OPHN1: variants seen among roughly 807,000 people sequenced by gnomAD.
OPHN1 encodes oligophrenin-1.
Under a neutral mutation model 60.7 loss-of-function variants are expected in OPHN1, and 11 were observed. The ratio of observed to expected loss-of-function variants is 0.18; its 90% CI spans 0.11 to 0.30. The LOEUF is 0.30. OPHN1 is among the 10% of genes least tolerant of loss of function. The pLI, the probability that OPHN1 is intolerant of heterozygous loss-of-function variation, is 1.00. For missense variants in OPHN1, 449 were observed against 611.0 expected (o/e 0.73, Z 2.80); for synonymous variants, 226 against 222.6 (o/e 1.02, Z -0.14).
chrX:68,292,594 T>A (rs956472619), intron 3 of OPHN1, among the ~76,000 whole-genome samples: 2 of 111,544 alleles, frequency 1.8e-5, no homozygotes, highest in Non-Finnish European at 3.8e-5. Flanking sequence ...GATGCTTCCC[T>A]GAAAGCATTT....
intron 2 of OPHN1, among the ~76,000 whole-genome samples, chrX:68,415,139 ACT>A (rs2078787815): frequency 9.0e-6 from 1 of 110,612 alleles, no homozygotes; most frequent in African/African-American, 3.3e-5. Flanking sequence ...ACCTCTCAAG[ACT>A]CTTTCTAATA....
At chrX:68,268,310 T>A (rs927418356) in intron 5 of OPHN1, among the ~76,000 whole-genome samples, 24 of 111,529 alleles carry the variant, frequency 2.2e-4, no homozygotes, top group African/African-American at 7.5e-4. Context: ...TAGACCAATA[T>A]CCCTGATGAA....
chrX:68,165,040 G>C (rs372693170), intron 15 of OPHN1, among the ~76,000 whole-genome samples: 2 of 111,780 alleles, frequency 1.8e-5, no homozygotes, highest in East Asian at 5.6e-4. Flanking sequence ...AAGAATTGAA[G>C]AGTTAGAGTA....
intron 19 of OPHN1, among the ~76,000 whole-genome samples, chrX:68,087,677 C>CA (rs1446268260): frequency 9.0e-6 from 1 of 111,645 alleles, no homozygotes; most frequent in Admixed American, 9.5e-5. Flanking sequence ...TCAGATTGTA[C>CA]AAAAAAACAT....
intron 2 of OPHN1, among the ~76,000 whole-genome samples, chrX:68,403,132 T>C (rs903608261): frequency 3.6e-5 from 4 of 112,261 alleles, no homozygotes; most frequent in African/African-American, 1.3e-4. Context: ...GATACAGTCC[T>C]AGCCGCCAAA....
At chrX:68,361,054 CA>C in intron 2 of OPHN1, 1 of 112,947 alleles carries the variant, frequency 8.9e-6, no homozygotes, top group Non-Finnish European at 1.9e-5. Flanking sequence ...GGGCAAACAC[CA>C]AAAAAAGTTT....
intron 15 of OPHN1, among the ~76,000 whole-genome samples, chrX:68,126,125 G>A (rs1329078522): frequency 9.4e-5 from 10 of 106,525 alleles, no homozygotes; most frequent in South Asian, 4.4e-4. Context: ...CCAATAAAAC[G>A]AAGGACAAAA....
At chrX:68,188,677 G>A (rs2077474111) in intron 15 of OPHN1, among the ~76,000 whole-genome samples, 1 of 111,808 alleles carries the variant, frequency 8.9e-6, no homozygotes, top group African/African-American at 3.2e-5. Flanking sequence ...GAAGTGGAGT[G>A]TGGTATATTT....
rs1031156327 is a variant in OPHN1, at chrX:68,153,230, AAAAG to A, written c.1277-33902_1277-33899del. Among the ~76,000 whole-genome samples the A allele has an allele frequency of 3.2e-3, 352 of 110,202 alleles. 7 individuals are homozygous for A. Among genetic ancestry groups the A allele is most frequent in the African/African-American group, 0.011 (340 of 30,370 alleles). ...CATGTCAAAAAAAAAAAAAAAAGAAAAAAGAAAGAAAGAAAGCAAATGGGCAAAT... is the reference window on the plus strand; with the variant it reads ...CATGTCAAAAAAAAAAAAAAAAGAAAAAAGAAAGAAAGCAAATGGGCAAAT... On this transcript the variant is annotated intron_variant, in intron 15 of 24. Coordinates refer to ENST00000355520, the MANE Select transcript of OPHN1 (RefSeq NM_002547.3).
At position 68,133,622 on chromosome X, in the gene OPHN1, A is replaced by G. The variant is rs1167228966; in HGVS notation, c.1277-14290T>C. Among the ~76,000 whole-genome samples the G allele has an allele frequency of 4.5e-5, 5 of 111,524 alleles. No homozygotes were observed. The East Asian group carries it at 1.4e-3, about 31-fold the overall frequency. On this transcript the variant is annotated intron_variant, in intron 15 of 24. Coordinates refer to ENST00000355520, the MANE Select transcript of OPHN1 (RefSeq NM_002547.3). Reference sequence around the variant, plus strand: ...TTAAAACTTTTTGGTTGCCACAAGCATATCTCCCTTTTTCTGCTCATCCAG... The same window carrying G: ...TTAAAACTTTTTGGTTGCCACAAGCGTATCTCCCTTTTTCTGCTCATCCAG...
chrX:68,328,361 C>T (rs2078278108), intron 2 of OPHN1, among the ~76,000 whole-genome samples: 1 of 111,279 alleles, frequency 9.0e-6, no homozygotes, highest in African/African-American at 3.3e-5. Context: ...ATCTCCTGAC[C>T]TCGTGATCCG....
At chrX:68,267,409 G>T (rs868129909) in intron 5 of OPHN1, among the ~76,000 whole-genome samples, 1 of 111,844 alleles carries the variant, frequency 8.9e-6, no homozygotes, top group South Asian at 3.8e-4. Flanking sequence ...GAAACTGAAC[G>T]ACCTGCTCCC....
At chrX:68,404,878 T>C (rs1483702322) in intron 2 of OPHN1, among the ~76,000 whole-genome samples, 2 of 110,922 alleles carry the variant, frequency 1.8e-5, no homozygotes, top group African/African-American at 6.6e-5. Context: ...GTTAAAATCA[T>C]AGAAAAAGGA....
intron 21 of OPHN1, among the ~76,000 whole-genome samples, chrX:68,059,672 A>G (rs1239578522): frequency 8.9e-6 from 1 of 111,857 alleles, no homozygotes; most frequent in Non-Finnish European, 1.9e-5. Context: ...AACATTAGTC[A>G]CCTCAGTGGA....
chrX:68,070,856 T>C (rs368336627), intron 20 of OPHN1: 1 of 1,179,659 alleles, frequency 8.5e-7, no homozygotes, highest in East Asian at 3.0e-5. Flanking sequence ...CCAGCAGGTA[T>C]GCCAGAAGCC....
chrX:68,372,237 G>C (rs867341309), intron 2 of OPHN1, among the ~76,000 whole-genome samples: 24 of 111,936 alleles, frequency 2.1e-4, no homozygotes, highest in African/African-American at 6.2e-4. Flanking sequence ...AATCGACACA[G>C]AAGGCAAATC....
chrX:68,433,081 G>A (rs911628022), intron 1 of OPHN1, 57 bp from the exon 2 acceptor site: 216 of 1,084,728 alleles, frequency 2.0e-4, no homozygotes, highest in Middle Eastern at 5.9e-4. Flanking sequence ...AGCATCAATG[G>A]CACAGTAGAG....
At chrX:68,408,359 A>C (rs1305670570) in intron 2 of OPHN1, among the ~76,000 whole-genome samples, 1 of 111,918 alleles carries the variant, frequency 8.9e-6, no homozygotes, top group Admixed American at 9.6e-5. Context: ...TTCTGGTGCT[A>C]GACTCCTCAC....
rs181321377 is a variant in OPHN1 at position 68,334,710 on chromosome X, T to G, written c.155-35614A>C. Among the ~76,000 whole-genome samples the G allele has an allele frequency of 1.7e-4, 19 of 111,317 alleles. 2 individuals carry two copies. The highest frequency in any genetic ancestry group is 1.4e-3 in the Admixed American group (14 of 10,341). On this transcript the variant is annotated intron_variant, in intron 2 of 24. Coordinates refer to ENST00000355520, the MANE Select transcript of OPHN1 (RefSeq NM_002547.3). The stretch of plus-strand genomic sequence containing the variant: ...GAAATTCCTGGCTGGGTGCAGTGCC[T>G]CAGACCTGTAATCCCAGCACTTTGG...
Sources: gnomAD v4.1 joint callset for allele counts (sites outside exome capture counted in the v4.1 genomes callset) on GRCh38, gnomAD v4.1.1 for gene constraint, MANE v1.5 for transcripts, NCBI Gene and HGNC (gene_info 2026-07-23, HGNC 2026-07-21) for gene names.